The following XPR1 variants were observed in gnomAD, a reference collection of about 807,000 sequenced individuals.
XPR1 encodes the protein xenotropic and polytropic retrovirus receptor 1, also known as solute carrier family 53 member 1.
In XPR1, 28 loss-of-function variants were observed where a neutral mutation model predicts 87.5. That is an observed-to-expected ratio of 0.32 (90% CI 0.24 to 0.44). The LOEUF is 0.44. Among genes scored for constraint, XPR1 ranks in the 20% least tolerant of loss-of-function variants. The probability of loss-of-function intolerance (pLI) is 1.00; values close to 1 mark genes in which losing one functional copy is unlikely to be tolerated. For synonymous variants in XPR1, 300 were observed against 306.1 expected (o/e 0.98, Z 0.21); for missense variants, 559 against 862.3 (o/e 0.65, Z 4.41).
intron 2 of XPR1, among the ~76,000 whole-genome samples, chr1:180,741,670 A>C (rs1658929335): frequency 6.6e-6 from 1 of 152,062 alleles, no homozygotes; most frequent in East Asian, 1.9e-4. Flanking sequence ...TATTTTTAGT[A>C]GAGATGGGAT....
At chr1:180,711,629 G>T (rs1657801698) in intron 2 of XPR1, among the ~76,000 whole-genome samples, 1 of 152,028 alleles carries the variant, frequency 6.6e-6, no homozygotes, top group East Asian at 1.9e-4. Context: ...AGAGGGGGGA[G>T]AGTTCTTTTT....
chr1:180,882,478 T>C (rs1393564728), intron 14 of XPR1, among the ~76,000 whole-genome samples: 1 of 152,114 alleles, frequency 6.6e-6, no homozygotes, highest in Non-Finnish European at 1.5e-5. Flanking sequence ...CACCTCAGCC[T>C]CCCAAGTAGT....
intron 3 of XPR1, among the ~76,000 whole-genome samples, chr1:180,794,466 T>A (rs1649499315): frequency 6.6e-6 from 1 of 152,234 alleles, no homozygotes; most frequent in African/African-American, 2.4e-5. Flanking sequence ...ACAGTGTTAT[T>A]TACTAAATAC....
chr1:180,845,283 A>G (rs1651639124), intron 11 of XPR1, among the ~76,000 whole-genome samples: 1 of 152,216 alleles, frequency 6.6e-6, no homozygotes, highest in Admixed American at 6.5e-5. Flanking sequence ...AATCATTCAT[A>G]CCTTTTGACC....
At chr1:180,782,187 A>C (rs1281529672) in intron 2 of XPR1, among the ~76,000 whole-genome samples, 2 of 151,762 alleles carry the variant, frequency 1.3e-5, no homozygotes, top group Non-Finnish European at 2.9e-5. Flanking sequence ...TGTTACTGCT[A>C]ATCTTACAAT....
chr1:180,753,479 A>G (rs1281907150), intron 2 of XPR1, among the ~76,000 whole-genome samples: 1 of 152,026 alleles, frequency 6.6e-6, no homozygotes, highest in East Asian at 1.9e-4. Flanking sequence ...GCTTGAGCCC[A>G]GGAGGCGGAG....
At chr1:180,826,265 T>TTGAGGC (rs1339491105) in intron 9 of XPR1, among the ~76,000 whole-genome samples, 1 of 152,048 alleles carries the variant, frequency 6.6e-6, no homozygotes, top group Non-Finnish European at 1.5e-5. Context: ...TGAAAATCAT[T>TTGAGGC]TGAGGCCAGG....
intron 2 of XPR1, among the ~76,000 whole-genome samples, chr1:180,706,058 C>T (rs1557966281): frequency 6.6e-6 from 1 of 152,146 alleles, no homozygotes; most frequent in Non-Finnish European, 1.5e-5. Context: ...TTTAGTAGAA[C>T]ACTTAAAATG....
At chr1:180,696,942 GT>G (rs1285270924) in intron 2 of XPR1, among the ~76,000 whole-genome samples, 1 of 152,022 alleles carries the variant, frequency 6.6e-6, no homozygotes, top group Non-Finnish European at 1.5e-5. Flanking sequence ...TTGGCCTGTA[GT>G]TTTTTTGTTG....
chr1:180,775,533 C>T (rs1290429371), intron 2 of XPR1, among the ~76,000 whole-genome samples: 2 of 152,104 alleles, frequency 1.3e-5, no homozygotes, highest in Non-Finnish European at 2.9e-5. Context: ...ATTGTAACTT[C>T]AGTCTTAATA....
chr1:180,731,344 G>C (rs1477937427), intron 2 of XPR1, among the ~76,000 whole-genome samples: 1 of 152,200 alleles, frequency 6.6e-6, no homozygotes, highest in Non-Finnish European at 1.5e-5. Context: ...CGGCCGAGGG[G>C]ATGGAAGCTC....
At chr1:180,702,630 AT>A (rs749906410) in intron 2 of XPR1, among the ~76,000 whole-genome samples, 2 of 151,578 alleles carry the variant, frequency 1.3e-5, no homozygotes, top group South Asian at 2.1e-4. Flanking sequence ...CAGTTCTAGG[AT>A]TTTTTTGATT....
intron 2 of XPR1, among the ~76,000 whole-genome samples, chr1:180,770,417 T>C (rs1317673582): frequency 6.6e-6 from 1 of 152,158 alleles, no homozygotes; most frequent in African/African-American, 2.4e-5. Flanking sequence ...TGTGTTTTTC[T>C]CTTTTTAATT....
intron 2 of XPR1, among the ~76,000 whole-genome samples, chr1:180,729,980 A>G (rs61809350): frequency 0.053 from 8,141 of 152,242 alleles, 313 homozygotes; most frequent in Non-Finnish European, 0.079. Context: ...TATGTCCAGA[A>G]TGGTATTTCC....
chr1:180,748,579 C>A (rs540245403), intron 2 of XPR1, among the ~76,000 whole-genome samples: 1 of 151,376 alleles, frequency 6.6e-6, no homozygotes, highest in African/African-American at 2.4e-5. Flanking sequence ...CCACCACGCC[C>A]GGCTAATTTT....
At chr1:180,841,507 G>A (rs923881463) in intron 11 of XPR1, among the ~76,000 whole-genome samples, 3 of 152,088 alleles carry the variant, frequency 2.0e-5, no homozygotes, top group South Asian at 2.1e-4. Context: ...AACATGCTAC[G>A]TAAAGGGAAT....
At chr1:180,641,273 C>T (rs1230795642) in intron 1 of XPR1, among the ~76,000 whole-genome samples, 1 of 152,124 alleles carries the variant, frequency 6.6e-6, no homozygotes, top group East Asian at 1.9e-4. Context: ...CACATAGTAA[C>T]AGCAATAAAT....
At chr1:180,836,426 T>C in intron 10 of XPR1, 96 bp from the exon 11 acceptor site, 1 of 1,383,834 alleles carries the variant, frequency 7.2e-7, no homozygotes, top group East Asian at 2.3e-5. Flanking sequence ...GGTTTTTTGC[T>C]TTTTTAGACT....
chr1:180,886,805 C>T lies in XPR1; in HGVS notation c.*2739C>T, dbSNP rs1473882413. On this transcript the variant is annotated 3_prime_UTR_variant, in exon 15 of 15. Coordinates refer to ENST00000367590, the MANE Select transcript of XPR1 (RefSeq NM_004736.4). ...CTCTCCTAAATTTTATATGCCCTAGCAGTTGCGAATGTTGTGTCCACCTTA... is the reference window on the plus strand; with the variant it reads ...CTCTCCTAAATTTTATATGCCCTAGTAGTTGCGAATGTTGTGTCCACCTTA... 1 of 152,182 alleles carries T rather than the reference C, an allele frequency of 6.6e-6. No homozygotes were observed. Among genetic ancestry groups the T allele is most frequent in the Non-Finnish European group, 1.5e-5 (1 of 68,042 alleles). The allele number at this position is 152,182 out of a possible 1,614,324, so 9.4% of individuals were successfully genotyped here.
Sources: gnomAD v4.1 joint callset for allele counts (sites outside exome capture counted in the v4.1 genomes callset) on GRCh38, gnomAD v4.1.1 for gene constraint, MANE v1.5 for transcripts, NCBI Gene and HGNC (gene_info 2026-07-23, HGNC 2026-07-21) for gene names.